Variants in PALLD observed in about 807,000 individuals in gnomAD.
The protein encoded by PALLD is palladin.
A neutral mutation model predicts 123.5 loss-of-function variants in PALLD; 61 were observed. The observed-to-expected ratio is 0.49, with a 90% CI of 0.40 to 0.61. PALLD has a LOEUF of 0.61. PALLD is among the 20% of genes least tolerant of loss of function. The pLI is 0.00. For missense variants in PALLD, 1,273 were observed against 1,377.0 expected, an observed-to-expected ratio of 0.92 and a Z score of 1.20; for synonymous variants, 465 against 496.4, an observed-to-expected ratio of 0.94 and a Z score of 0.84.
Position 168,841,747 on chromosome 4 carries a change from T to C in PALLD, c.1965-49175T>C, listed in dbSNP as rs775067459. On this transcript the variant is annotated intron_variant, in intron 10 of 21. Coordinates refer to ENST00000505667, the MANE Select transcript of PALLD (RefSeq NM_001166108.2). ...TGTTTATTTTGATTTTGTCTACTTA[T>C]TAAGTTAAATACAAATCTGAAAATG... is the stretch of plus-strand genomic sequence containing the variant. Among the ~76,000 whole-genome samples, 9 of 152,208 alleles carry C rather than the reference T, an allele frequency of 5.9e-5. No individual in the cohort carries two copies. In the South Asian group the frequency reaches 1.7e-3, roughly 28 times the overall value.
intron 4 of PALLD, 64 bp from the exon 5 acceptor site, chr4:168,682,934 A>C (rs1441318477): frequency 6.1e-6 from 6 of 985,712 alleles, no homozygotes; most frequent in Admixed American, 4.2e-5. Context: ...TCTGCTAAAA[A>C]AAAAAAACAA....
intron 10 of PALLD, among the ~76,000 whole-genome samples, chr4:168,832,569 A>G (rs6820223): frequency 0.63 from 95,010 of 151,854 alleles, 30,080 homozygotes; most frequent in Non-Finnish European, 0.67. Flanking sequence ...GGGGTGGGAG[A>G]GCAGAGAAAG....
chr4:168,773,053 C>G (rs1734665283), intron 10 of PALLD, among the ~76,000 whole-genome samples: 1 of 152,168 alleles, frequency 6.6e-6, no homozygotes, highest in Admixed American at 6.5e-5. Context: ...TGGCTTGTCT[C>G]TTTCCGCCTA....
At chr4:168,905,138 GTTTTTTTTTT>G (rs777740588) in intron 15 of PALLD, among the ~76,000 whole-genome samples, 2 of 34,524 alleles carry the variant, frequency 5.8e-5, no homozygotes, top group East Asian at 1.9e-3. Flanking sequence ...TGTTTTGTTG[GTTTTTTTTTT>G]TTTTTTTTTT....
chr4:168,724,819 C>T (rs955814734), intron 10 of PALLD, among the ~76,000 whole-genome samples: 5 of 152,202 alleles, frequency 3.3e-5, no homozygotes, highest in Non-Finnish European at 5.9e-5. Flanking sequence ...ACTGGCTCCT[C>T]TTGCCCAAGG....
intron 2 of PALLD, among the ~76,000 whole-genome samples, chr4:168,529,190 C>T (rs766240298): frequency 7.2e-5 from 11 of 151,988 alleles, no homozygotes; most frequent in African/African-American, 7.3e-5. Context: ...CAAAAAATTT[C>T]GTTGGGCATG....
intron 8 of PALLD, among the ~76,000 whole-genome samples, chr4:168,697,203 T>C (rs981971200): frequency 3.3e-5 from 5 of 152,226 alleles, no homozygotes; most frequent in Admixed American, 3.3e-4. Context: ...ATTCTGCCCC[T>C]AGGCAAAACT....
At chr4:168,502,797 AG>A (rs754145299) in intron 1 of PALLD, among the ~76,000 whole-genome samples, 11 of 152,150 alleles carry the variant, frequency 7.2e-5, no homozygotes, top group Non-Finnish European at 1.0e-4. Context: ...CTAGCTACTC[AG>A]GAGGATGAGG....
intron 10 of PALLD, 96 bp downstream of exon 10, chr4:168,712,019 G>A: frequency 9.6e-7 from 1 of 1,044,992 alleles, no homozygotes; most frequent in Admixed American, 2.0e-5. Flanking sequence ...CAACTATGTG[G>A]CAAGTTGGCC....
chr4:168,598,404 G>T, intron 2 of PALLD: 1 of 627,582 alleles, frequency 1.6e-6, no homozygotes, highest in South Asian at 1.4e-5. Context: ...GCACCAAGCT[G>T]ACTTAATATT....
Position 168,711,887 on chromosome 4 carries a change from C to G in PALLD, c.1928C>G (p.Thr643Ser), listed in dbSNP as rs776010438. Residue 643 changes from threonine to serine, a missense_variant, in exon 10 of 22, where the codon ACT (threonine) becomes AGT (serine). Around this residue, in one of 2 missense-constraint regions of PALLD, gnomAD observed 944 missense variants for 954.5 expected, o/e 0.99. Transcript: ENST00000505667. ...LPTPAVLLSP[T>S]KEPPPLLAKP... ...ACACCAGCTGTCCTGCTTTCACCCA[C>G]TAAGGAGCCACCACCTCTGCTTGCC... 10 of 1,614,002 alleles carry G rather than the reference C, an allele frequency of 6.2e-6. No individual in the cohort carries two copies. Among genetic ancestry groups the G allele is most frequent in the Non-Finnish European group, 8.5e-6 (10 of 1,180,014 alleles).
At chr4:168,699,543 A>G (rs113242541) in intron 8 of PALLD, among the ~76,000 whole-genome samples, 8 of 151,840 alleles carry the variant, frequency 5.3e-5, no homozygotes, top group Non-Finnish European at 1.0e-4. Flanking sequence ...AAAAAAAAAA[A>G]CAGTTGCAAA....
chr4:168,692,500 A>G (rs559994035), intron 8 of PALLD, among the ~76,000 whole-genome samples: 3 of 152,230 alleles, frequency 2.0e-5, no homozygotes, highest in Non-Finnish European at 4.4e-5. Context: ...CTACTTTTCT[A>G]ATACATGGAT....
chr4:168,524,193 C>T (rs375085154), intron 2 of PALLD, among the ~76,000 whole-genome samples: 2 of 152,262 alleles, frequency 1.3e-5, no homozygotes, highest in South Asian at 4.1e-4. Context: ...ATTGCTTGTA[C>T]ACATACAAAT....
At chr4:168,770,765 A>T (rs1309731070) in intron 10 of PALLD, among the ~76,000 whole-genome samples, 1 of 151,692 alleles carries the variant, frequency 6.6e-6, no homozygotes, top group Non-Finnish European at 1.5e-5. Flanking sequence ...AAGAATCAAA[A>T]CTTAGTTTCT....
intron 2 of PALLD, among the ~76,000 whole-genome samples, chr4:168,612,366 G>A (rs187272085): frequency 2.0e-5 from 3 of 151,770 alleles, no homozygotes; most frequent in South Asian, 4.2e-4. Flanking sequence ...CCCAACCCAG[G>A]ATTTCTCCCA....
intron 1 of PALLD, among the ~76,000 whole-genome samples, chr4:168,511,096 A>C (rs962554611): frequency 6.9e-6 from 1 of 145,612 alleles, no homozygotes; most frequent in Non-Finnish European, 1.5e-5. Flanking sequence ...TATTCTATTG[A>C]TCTCATTACA....
At chr4:168,834,727 A>G (rs1744875813) in intron 10 of PALLD, among the ~76,000 whole-genome samples, 1 of 151,788 alleles carries the variant, frequency 6.6e-6, no homozygotes, top group Non-Finnish European at 1.5e-5. Context: ...TCAGAGCGAG[A>G]CTCCATCTAA....
intron 2 of PALLD, among the ~76,000 whole-genome samples, chr4:168,551,251 C>T (rs925930445): frequency 3.3e-5 from 5 of 152,024 alleles, no homozygotes; most frequent in Non-Finnish European, 7.4e-5. Flanking sequence ...TTTTCTCTTT[C>T]GTGAATTGTT....
Sources: allele counts gnomAD v4.1 joint callset (sites outside exome capture counted in the v4.1 genomes callset), GRCh38; gene constraint gnomAD v4.1.1; regional missense constraint gnomAD v4.1.1; transcripts MANE v1.5; gene names NCBI Gene and HGNC (gene_info 2026-07-23, HGNC 2026-07-21).